Variants in POU6F2 observed in about 807,000 individuals in gnomAD.
POU6F2 encodes the protein POU domain, class 6, transcription factor 2.
In POU6F2, 31 loss-of-function variants were observed where a neutral mutation model predicts 71.3. That is an observed-to-expected ratio of 0.43 (90% CI 0.33 to 0.59). The LOEUF is 0.59. POU6F2 is among the 20% of genes least tolerant of loss of function. The probability of loss-of-function intolerance (pLI) is 0.04; values close to 1 mark genes in which losing one functional copy is unlikely to be tolerated. For synonymous variants in POU6F2, 347 were observed against 355.7 expected, an observed-to-expected ratio of 0.98 and a Z score of 0.27; for missense variants, 783 against 856.8, an observed-to-expected ratio of 0.91 and a Z score of 1.07.
At chr7:39,067,672 A>C (rs1478841381) in intron 1 of POU6F2, among the ~76,000 whole-genome samples, 1 of 152,148 alleles carries the variant, frequency 6.6e-6, no homozygotes, top group Non-Finnish European at 1.5e-5. Flanking sequence ...TGTGCAACAC[A>C]ATAAATGTCA....
At chr7:39,362,002 G>T (rs1045912203) in intron 5 of POU6F2, among the ~76,000 whole-genome samples, 1 of 152,228 alleles carries the variant, frequency 6.6e-6, no homozygotes, top group African/African-American at 2.4e-5. Flanking sequence ...GACAGTGCCA[G>T]GTCCCCTCTG....
chr7:39,330,004 T>G (rs1302076522), intron 4 of POU6F2, among the ~76,000 whole-genome samples: 2 of 152,230 alleles, frequency 1.3e-5, no homozygotes, highest in East Asian at 3.8e-4. Flanking sequence ...AATACATGCA[T>G]GTGGTTAAAA....
intron 1 of POU6F2, among the ~76,000 whole-genome samples, chr7:39,001,491 C>T (rs1022091389): frequency 6.6e-6 from 1 of 152,088 alleles, no homozygotes; most frequent in African/African-American, 2.4e-5. Flanking sequence ...TTGTGGTATG[C>T]ACCAGAAAGG....
chr7:39,297,435 C>T (rs1456198320), intron 4 of POU6F2, among the ~76,000 whole-genome samples: 3 of 152,262 alleles, frequency 2.0e-5, no homozygotes, highest in African/African-American at 2.4e-5. Flanking sequence ...ACAAGAAAAA[C>T]TTGGTTAAGT....
Position 39,180,671 on chromosome 7 carries a change from A to T in POU6F2, c.278-23564A>T, listed in dbSNP as rs574912176. On this transcript the variant is annotated intron_variant, in intron 2 of 9. Transcript: ENST00000518318. ...ATTCATGCAGGCGCTTAGGACCCCA[A>T]GCTCAGACGGGCTCTGTGTTTAGTT... Among the ~76,000 whole-genome samples, 4 of 152,150 alleles carry T rather than the reference A, an allele frequency of 2.6e-5. No homozygotes were observed. In the East Asian group the frequency reaches 7.7e-4, roughly 29 times the overall value.
intron 1 of POU6F2, among the ~76,000 whole-genome samples, chr7:39,015,288 GAT>G (rs1235560653): frequency 7.9e-6 from 1 of 126,102 alleles, no homozygotes; most frequent in Admixed American, 8.3e-5. Flanking sequence ...ATTATATAGA[GAT>G]ATATCTATAA....
At chr7:39,384,839 C>T (rs1211482781) in intron 5 of POU6F2, among the ~76,000 whole-genome samples, 1 of 152,188 alleles carries the variant, frequency 6.6e-6, no homozygotes, top group East Asian at 1.9e-4. Flanking sequence ...TCCTCATACA[C>T]ACAGAATGGA....
intron 2 of POU6F2, among the ~76,000 whole-genome samples, chr7:39,110,489 A>C (rs1791785643): frequency 6.6e-6 from 1 of 152,032 alleles, no homozygotes; most frequent in Non-Finnish European, 1.5e-5. Context: ...CCTACATTAA[A>C]TTATGTCACG....
At chr7:38,981,852 AT>A (rs1170383356) in intron 1 of POU6F2, among the ~76,000 whole-genome samples, 1 of 152,218 alleles carries the variant, frequency 6.6e-6, no homozygotes, top group Admixed American at 6.5e-5. Flanking sequence ...GTGTGCATGC[AT>A]TTGGCTTAAC....
chr7:39,085,749 A>AGT, intron 1 of POU6F2, 111 bp from the exon 2 acceptor site: 1 of 1,064,690 alleles, frequency 9.4e-7, no homozygotes, highest in Non-Finnish European at 1.4e-6. Flanking sequence ...AGAGAGGGAG[A>AGT]GTGTGTGTGG....
chr7:39,010,045 G>A (rs1000824607), intron 1 of POU6F2, among the ~76,000 whole-genome samples: 1 of 147,008 alleles, frequency 6.8e-6, no homozygotes, highest in African/African-American at 2.5e-5. Flanking sequence ...CATAAAATGA[G>A]TTAGGGAGGA....
chr7:39,109,866 C>T (rs1350113336), intron 2 of POU6F2, among the ~76,000 whole-genome samples: 1 of 152,218 alleles, frequency 6.6e-6, no homozygotes, highest in African/African-American at 2.4e-5. Context: ...CTCTCTAATT[C>T]TACCATGAGT....
intron 6 of POU6F2, among the ~76,000 whole-genome samples, chr7:39,422,688 A>G (rs1250715947): frequency 6.6e-6 from 1 of 152,170 alleles, no homozygotes; most frequent in Admixed American, 6.5e-5. Flanking sequence ...ATTTTCCACC[A>G]TGTGCCTGCC....
chr7:39,287,823 G>A (rs1399015277), intron 4 of POU6F2, among the ~76,000 whole-genome samples: 3 of 152,172 alleles, frequency 2.0e-5, no homozygotes, highest in African/African-American at 7.2e-5. Context: ...TCTCAAGAAT[G>A]TCAGGTGATT....
At chr7:39,353,108 G>A (rs1044813448) in intron 5 of POU6F2, among the ~76,000 whole-genome samples, 3 of 152,244 alleles carry the variant, frequency 2.0e-5, no homozygotes, top group African/African-American at 7.2e-5. Context: ...GGAGGCAGGT[G>A]GACCTAGGAA....
intron 1 of POU6F2, among the ~76,000 whole-genome samples, chr7:39,083,314 T>C (rs115479308): frequency 0.014 from 2,065 of 152,280 alleles, 39 homozygotes; most frequent in African/African-American, 0.046. Flanking sequence ...AGCAGTACAG[T>C]GACAGAGACT....
intron 2 of POU6F2, among the ~76,000 whole-genome samples, chr7:39,151,874 G>A (rs557216394): frequency 1.4e-4 from 22 of 152,248 alleles, no homozygotes; most frequent in Non-Finnish European, 2.5e-4. Context: ...GAAGGGGACC[G>A]CTGGTAACCC....
chr7:39,199,343 C>A (rs1004596273), intron 2 of POU6F2, among the ~76,000 whole-genome samples: 1 of 152,146 alleles, frequency 6.6e-6, no homozygotes, highest in African/African-American at 2.4e-5. Flanking sequence ...ATATGTGTTT[C>A]TTAAAATGAC....
intron 1 of POU6F2, among the ~76,000 whole-genome samples, chr7:39,054,645 T>A (rs902872642): frequency 3.3e-5 from 5 of 151,912 alleles, no homozygotes; most frequent in African/African-American, 1.2e-4. Flanking sequence ...CAGAAAAGGC[T>A]TCTTTGAGGA....
Sources: gnomAD v4.1 joint callset for allele counts (sites outside exome capture counted in the v4.1 genomes callset) on GRCh38, gnomAD v4.1.1 for gene constraint, MANE v1.5 for transcripts, NCBI Gene and HGNC (gene_info 2026-07-23, HGNC 2026-07-21) for gene names.